The following ZNF761 variants were observed in gnomAD, a reference collection of about 807,000 sequenced individuals.
ZNF761 encodes the protein zinc finger protein 761.
In ZNF761, 43 loss-of-function variants were observed where a neutral mutation model predicts 59.9. That is an observed-to-expected ratio of 0.72 (90% CI 0.56 to 0.92). ZNF761 has a LOEUF of 0.92. Ranked by LOEUF, ZNF761 falls within the 40% of genes least tolerant of loss-of-function variation. The pLI is 0.00. For missense variants in ZNF761, 850 were observed against 906.1 expected (o/e 0.94, Z 0.79); for synonymous variants, 294 against 304.8 (o/e 0.96, Z 0.37).
intron 3 of ZNF761, among the ~76,000 whole-genome samples, chr19:53,448,334 A>C (rs529721588): frequency 6.6e-6 from 1 of 152,172 alleles, no homozygotes; most frequent in Admixed American, 6.5e-5. Flanking sequence ...ATATTTTTAT[A>C]TTTAACCATC....
intron 1 of ZNF761, 115 bp from the exon 2 acceptor site, chr19:53,446,112 C>A (rs574095401): frequency 6.3e-6 from 1 of 159,444 alleles, no homozygotes; most frequent in East Asian, 1.9e-4. Context: ...GTCTCCCATG[C>A]CCTCCCAACC....
At chr19:53,452,753 G>A (rs2086232413) in intron 4 of ZNF761, among the ~76,000 whole-genome samples, 1 of 152,186 alleles carries the variant, frequency 6.6e-6, no homozygotes, top group Admixed American at 6.5e-5. Context: ...AACAGGCAAC[G>A]AGCTCTTTAA....
Position 53,455,961 on chromosome 19 carries a change from G to T in ZNF761, c.1454G>T (p.Arg485Met). ...FRFKSNLERH[R>M]RIHTGEKPYK... The stretch of plus-strand genomic sequence containing the variant: ...TTCAAATCAAACCTTGAAAGACATA[G>T]GAGAATTCATACTGGAGAGAAACCA... Residue 485 changes from arginine (R) to methionine (M), a missense_variant, in exon 5 of 5, where the codon AGG becomes ATG. Arg to Met is a moderately conservative substitution (Grantham distance 91). Transcript: ENST00000684525. The T allele has an allele frequency of 6.2e-7, 1 of 1,610,876 alleles. No individual in the cohort carries two copies. The highest frequency in any genetic ancestry group is 8.5e-7 in the Non-Finnish European group (1 of 1,179,146).
intron 1 of ZNF761, among the ~76,000 whole-genome samples, chr19:53,432,513 A>G (rs2617761): frequency 0.64 from 96,580 of 151,832 alleles, 32,604 homozygotes; most frequent in African/African-American, 0.88. Flanking sequence ...CGCCTCCACA[A>G]TCACCGCTTC....
At chr19:53,454,520 G>T in intron 4 of ZNF761, 130 bp from the exon 5 acceptor site, 7 of 912,118 alleles carry the variant, frequency 7.7e-6, no homozygotes, top group South Asian at 2.3e-5. Flanking sequence ...ATGCTTTTCT[G>T]TTCCTAAACT....
intron 4 of ZNF761, among the ~76,000 whole-genome samples, chr19:53,454,325 T>G (rs2086244864): frequency 6.6e-6 from 1 of 152,248 alleles, no homozygotes; most frequent in Non-Finnish European, 1.5e-5. Context: ...ATACTTTTCA[T>G]TGATATGACA....
At chr19:53,436,705 T>G (rs1485709603) in intron 1 of ZNF761, among the ~76,000 whole-genome samples, 1 of 152,214 alleles carries the variant, frequency 6.6e-6, no homozygotes, top group East Asian at 1.9e-4. Flanking sequence ...GCTGGCCCAT[T>G]GTCTGACTTT....
intron 1 of ZNF761, among the ~76,000 whole-genome samples, chr19:53,441,353 ATTTAC>A (rs1472987896): frequency 6.6e-6 from 1 of 150,574 alleles, no homozygotes; most frequent in Non-Finnish European, 1.5e-5. Flanking sequence ...TGTGTAATAG[ATTTAC>A]TTTATTTTAT....
At position 53,456,156 on chromosome 19, in the gene ZNF761, A is replaced by G; in HGVS notation, c.1649A>G (p.Tyr550Cys). 6.2e-7 allele frequency: 1 copy of G among 1,614,118 alleles called. No homozygotes were observed. The highest frequency in any genetic ancestry group is 1.1e-5 in the South Asian group (1 of 91,072). Residue 550 changes from tyrosine (Y) to cysteine (C), a missense_variant, in exon 5 of 5, where the codon TAC becomes TGC. Transcript: ENST00000684525. ...AGACTTCATTCTGGAGAGAAACCTT[A>G]CAAGTGTAAGGAGTGTGGCAAGACC... ...HRRLHSGEKPYKCKECGKTFN... is the reference protein window; with the variant it reads ...HRRLHSGEKPCKCKECGKTFN...
At chr19:53,432,524 C>T (rs915644790) in intron 1 of ZNF761, among the ~76,000 whole-genome samples, 4 of 152,128 alleles carry the variant, frequency 2.6e-5, no homozygotes, top group African/African-American at 4.8e-5. Flanking sequence ...TCACCGCTTC[C>T]CCTGAGCCCG....
At chr19:53,433,464 G>GCGTTA (rs1568796849) in intron 1 of ZNF761, among the ~76,000 whole-genome samples, 1 of 30,054 alleles carries the variant, frequency 3.3e-5, no homozygotes, top group African/African-American at 3.6e-4. Context: ...ACTTCGCCAA[G>GCGTTA]TCGAGCTTGC....
rs181813469 is a variant in ZNF761 at position 53,452,813 on chromosome 19, G to A, written c.143-1837G>A. The stretch of plus-strand genomic sequence containing the variant: ...TCCTATTCACGAGTAGTCAACACCC[G>A]TGACCAAATTGTCTCAAAGGCCCCA... On this transcript the variant is annotated intron_variant, in intron 4 of 4. Transcript: ENST00000684525. 6.5e-4 allele frequency among the ~76,000 whole-genome samples: 99 copies of A among 152,346 alleles called. 1 individual carries two copies. Among genetic ancestry groups the A allele is most frequent in the Non-Finnish European group, 2.1e-4 (14 of 68,034 alleles).
chr19:53,453,407 A>G (rs1327327621), intron 4 of ZNF761, among the ~76,000 whole-genome samples: 3 of 152,166 alleles, frequency 2.0e-5, no homozygotes, highest in Non-Finnish European at 2.9e-5. Flanking sequence ...TGTAAGTAGA[A>G]GTTTGGCGTT....
intron 1 of ZNF761, among the ~76,000 whole-genome samples, chr19:53,438,469 T>C (rs1375827026): frequency 6.6e-6 from 1 of 152,216 alleles, no homozygotes; most frequent in Non-Finnish European, 1.5e-5. Context: ...CATGAACATA[T>C]AGAAAGACTT....
intron 1 of ZNF761, among the ~76,000 whole-genome samples, chr19:53,438,245 A>G (rs1318940661): frequency 6.6e-6 from 1 of 152,092 alleles, no homozygotes; most frequent in East Asian, 1.9e-4. Context: ...TTGATCCATC[A>G]AAGTTATGAC....
chr19:53,436,678 C>A (rs772169173), intron 1 of ZNF761, among the ~76,000 whole-genome samples: 34 of 152,174 alleles, frequency 2.2e-4, no homozygotes, highest in Non-Finnish European at 4.4e-4. Flanking sequence ...AAATCTTACA[C>A]TATTTCAGCT....
chr19:53,434,883 A>G (rs2086021472), intron 1 of ZNF761, among the ~76,000 whole-genome samples: 1 of 152,190 alleles, frequency 6.6e-6, no homozygotes, highest in African/African-American at 2.4e-5. Flanking sequence ...GTTTTTAGCT[A>G]AAGGATGATG....
intron 3 of ZNF761, among the ~76,000 whole-genome samples, chr19:53,448,192 C>T (rs193006880): frequency 2.6e-5 from 4 of 152,212 alleles, no homozygotes; most frequent in East Asian, 3.9e-4. Flanking sequence ...TTATTAGCGA[C>T]GGGTATCACC....
rs1405948884 is a variant in ZNF761 at position 53,445,244 on chromosome 19, CT to C, written c.-184-982del. The C allele has an allele frequency of 2.0e-5, 3 of 152,154 alleles. No homozygotes were observed. In the East Asian group the frequency reaches 5.8e-4, roughly 29 times the overall value. 9.4% of individuals were successfully genotyped at this position (152,154 alleles called of 1,614,324 possible). ...GGTCAATAGCTGTGTGTTCACACTT[CT>C]GCATTTTATAAATGTTACTGTGATT... On this transcript the variant is annotated intron_variant, in intron 1 of 4. Transcript: ENST00000684525.
Sources: gnomAD v4.1 joint callset for allele counts (sites outside exome capture counted in the v4.1 genomes callset) on GRCh38, gnomAD v4.1.1 for gene constraint, MANE v1.5 for transcripts, NCBI Gene and HGNC (gene_info 2026-07-23, HGNC 2026-07-21) for gene names.